The following KCNIP4 variants were observed in gnomAD, a reference collection of about 807,000 sequenced individuals.
The protein encoded by KCNIP4 is potassium voltage-gated channel interacting protein 4, also known as Kv channel-interacting protein 4.
Under a neutral mutation model 34.0 loss-of-function variants are expected in KCNIP4, and 12 were observed. The observed-to-expected ratio is 0.35, with a 90% CI of 0.23 to 0.57. KCNIP4 has a LOEUF of 0.57. KCNIP4 is among the 20% of genes least tolerant of loss of function. The pLI is 0.83. For synonymous variants in KCNIP4, 124 were observed against 102.2 expected (o/e 1.21, Z -1.29); for missense variants, 238 against 311.7 (o/e 0.76, Z 1.78).
intron 1 of KCNIP4, among the ~76,000 whole-genome samples, chr4:21,678,305 A>ATTTTTTTTTTT (rs59561334): frequency 8.5e-5 from 10 of 117,584 alleles, no homozygotes; most frequent in Non-Finnish European, 1.2e-4. Flanking sequence ...TCTTCTTTTG[A>ATTTTTTTTTTT]TTTTTTTTTT....
chr4:21,122,510 C>T (rs1227069245), intron 1 of KCNIP4, among the ~76,000 whole-genome samples: 1 of 150,676 alleles, frequency 6.6e-6, no homozygotes, highest in Non-Finnish European at 1.5e-5. Context: ...CAATATTTTC[C>T]CCCAGTTATT....
At chr4:21,284,259 T>C (rs143877511) in intron 1 of KCNIP4, among the ~76,000 whole-genome samples, 467 of 152,254 alleles carry the variant, frequency 3.1e-3, no homozygotes, top group African/African-American at 8.8e-3. Context: ...TTTTGTTATC[T>C]AACTTTGAAA....
At chr4:21,662,554 T>A (rs1748532144) in intron 1 of KCNIP4, among the ~76,000 whole-genome samples, 2 of 152,228 alleles carry the variant, frequency 1.3e-5, no homozygotes, top group Non-Finnish European at 2.9e-5. Flanking sequence ...GCAGGATTAA[T>A]TAGAACCCTA....
At chr4:21,011,976 C>T (rs185076253) in intron 1 of KCNIP4, among the ~76,000 whole-genome samples, 9 of 152,170 alleles carry the variant, frequency 5.9e-5, no homozygotes, top group African/African-American at 1.2e-4. Flanking sequence ...CTGGTCTTAA[C>T]GTAGTTTCGA....
intron 1 of KCNIP4, among the ~76,000 whole-genome samples, chr4:21,638,212 T>C (rs893399809): frequency 6.6e-6 from 1 of 152,118 alleles, no homozygotes; most frequent in Admixed American, 6.6e-5. Context: ...ACCTGTGCAA[T>C]AAATTTTCCA....
intron 1 of KCNIP4, among the ~76,000 whole-genome samples, chr4:21,104,728 C>G (rs368624653): frequency 2.0e-5 from 3 of 151,522 alleles, no homozygotes; most frequent in South Asian, 2.1e-4. Flanking sequence ...ATGGTTTTAG[C>G]TCTAACATAT....
chr4:21,041,812 T>A (rs1161702563), intron 1 of KCNIP4, among the ~76,000 whole-genome samples: 1 of 152,206 alleles, frequency 6.6e-6, no homozygotes, highest in African/African-American at 2.4e-5. Flanking sequence ...AAATATTATT[T>A]ATCTAAATGA....
At chr4:21,475,021 G>C (rs1375189166) in intron 1 of KCNIP4, among the ~76,000 whole-genome samples, 1 of 143,544 alleles carries the variant, frequency 7.0e-6, no homozygotes, top group Admixed American at 6.9e-5. Flanking sequence ...AAAAAAAGAC[G>C]TTAATAAAAT....
intron 1 of KCNIP4, chr4:21,718,458 T>G (rs573364952): frequency 6.6e-6 from 1 of 152,274 alleles, no homozygotes; most frequent in Non-Finnish European, 1.5e-5. Flanking sequence ...TTTTTTTTGT[T>G]TTTTGTTTTT....
At chr4:21,344,190 C>T (rs933300004) in intron 1 of KCNIP4, among the ~76,000 whole-genome samples, 4 of 152,024 alleles carry the variant, frequency 2.6e-5, no homozygotes, top group African/African-American at 9.7e-5. Context: ...GTCTATAGGA[C>T]CAACCTACAA....
chr4:21,038,437 G>A (rs1245139355), intron 1 of KCNIP4, among the ~76,000 whole-genome samples: 2 of 152,138 alleles, frequency 1.3e-5, no homozygotes, highest in African/African-American at 4.8e-5. Context: ...ACTCATAGCA[G>A]AAGCAGTACC....
chr4:21,317,391 A>T (rs1314181500), intron 1 of KCNIP4, among the ~76,000 whole-genome samples: 1 of 152,130 alleles, frequency 6.6e-6, no homozygotes, highest in Non-Finnish European at 1.5e-5. Context: ...TAATTTCTCC[A>T]TGGGTCTCCT....
At chr4:20,945,362 C>T (rs1445188055) in intron 1 of KCNIP4, among the ~76,000 whole-genome samples, 1 of 152,178 alleles carries the variant, frequency 6.6e-6, no homozygotes, top group Non-Finnish European at 1.5e-5. Flanking sequence ...AATTCCAGGA[C>T]TCGAATTCAG....
intron 1 of KCNIP4, among the ~76,000 whole-genome samples, chr4:21,600,151 AAGGT>A (rs1356132309): frequency 6.6e-6 from 1 of 152,048 alleles, no homozygotes. Context: ...TGGTGATGCT[AAGGT>A]ATGGCTTCCT....
At chr4:21,555,006 T>C (rs1166788923) in intron 1 of KCNIP4, among the ~76,000 whole-genome samples, 2 of 152,182 alleles carry the variant, frequency 1.3e-5, no homozygotes, top group Non-Finnish European at 2.9e-5. Flanking sequence ...TGTTATTTAA[T>C]GAATAGCCTA....
intron 1 of KCNIP4, among the ~76,000 whole-genome samples, chr4:20,905,671 C>G (rs1488360121): frequency 6.6e-6 from 1 of 151,292 alleles, no homozygotes; most frequent in African/African-American, 2.4e-5. Flanking sequence ...GTCACAACGC[C>G]TGGCTAAGTT....
chr4:20,960,840 G>A (rs534040036), intron 1 of KCNIP4, among the ~76,000 whole-genome samples: 6 of 152,314 alleles, frequency 3.9e-5, no homozygotes, highest in Admixed American at 2.6e-4. Flanking sequence ...GGGAGTCAGA[G>A]GGTCCTGTAA....
At chr4:20,828,215 T>G (rs1718004778) in intron 3 of KCNIP4, among the ~76,000 whole-genome samples, 1 of 152,100 alleles carries the variant, frequency 6.6e-6, no homozygotes, top group Admixed American at 6.5e-5. Context: ...GATCCCAAGG[T>G]CAGGAGATCG....
chr4:21,063,947 AT>A (rs1279678419), intron 1 of KCNIP4, among the ~76,000 whole-genome samples: 2 of 152,178 alleles, frequency 1.3e-5, no homozygotes, highest in African/African-American at 4.8e-5. Context: ...CAAGGAAACA[AT>A]TTTGTGTTTA....
Sources: gnomAD v4.1 joint callset for allele counts (sites outside exome capture counted in the v4.1 genomes callset) on GRCh38, gnomAD v4.1.1 for gene constraint, MANE v1.5 for transcripts, NCBI Gene and HGNC (gene_info 2026-07-23, HGNC 2026-07-21) for gene names.